Variants in GPR141 observed in about 807,000 individuals in gnomAD.
GPR141 encodes the protein probable G protein-coupled receptor 141.
GPR141 carries 6 observed loss-of-function variants against 6.8 expected under a neutral mutation model. That is an observed-to-expected ratio of 0.88 (90% confidence interval 0.48 to 1.74). The LOEUF (loss-of-function observed/expected upper bound fraction) is 1.74, where lower values mean the gene tolerates loss of function less well. Ranked by LOEUF, GPR141 falls within the 40% of genes most tolerant of loss-of-function variation. The probability of loss-of-function intolerance (pLI) is 0.01; values close to 1 mark genes in which losing one functional copy is unlikely to be tolerated. For synonymous variants in GPR141, 140 were observed against 142.3 expected (o/e 0.98, Z 0.11); for missense variants, 372 against 372.9 (o/e 1.00, Z 0.02).
chr7:37,699,140 A>G (rs1315309741), intron 2 of GPR141, among the ~76,000 whole-genome samples: 1 of 152,194 alleles, frequency 6.6e-6, no homozygotes, highest in African/African-American at 2.4e-5. Context: ...ATCCAGAATC[A>G]CGGATTGGCA....
chr7:37,705,357 T>A (rs1277520143), intron 2 of GPR141, among the ~76,000 whole-genome samples: 2 of 152,196 alleles, frequency 1.3e-5, no homozygotes, highest in Non-Finnish European at 2.9e-5. Flanking sequence ...TGATAAATTA[T>A]TTACATCACA....
intron 2 of GPR141, among the ~76,000 whole-genome samples, chr7:37,721,903 AT>A (rs1323820339): frequency 6.6e-6 from 1 of 152,164 alleles, no homozygotes; most frequent in Non-Finnish European, 1.5e-5. Context: ...TCATTTCAGA[AT>A]TTTGCCTACA....
intron 1 of GPR141, among the ~76,000 whole-genome samples, chr7:37,684,532 T>A (rs1809416387): frequency 6.6e-6 from 1 of 152,212 alleles, no homozygotes; most frequent in East Asian, 1.9e-4. Flanking sequence ...TCTGTTCAAA[T>A]AATTTTACTT....
chr7:37,708,325 A>C (rs1273478662), intron 2 of GPR141, among the ~76,000 whole-genome samples: 1 of 151,264 alleles, frequency 6.6e-6, no homozygotes, highest in African/African-American at 2.4e-5. Context: ...AAAAAAAAAA[A>C]AAAAAAAAAA....
At chr7:37,693,986 C>A (rs1371498250) in intron 2 of GPR141, among the ~76,000 whole-genome samples, 1 of 152,178 alleles carries the variant, frequency 6.6e-6, no homozygotes, top group Non-Finnish European at 1.5e-5. Flanking sequence ...ATGACCCGGG[C>A]ACCATTTCCT....
At chr7:37,733,808 C>A (rs1325908527) in intron 2 of GPR141, among the ~76,000 whole-genome samples, 2 of 152,054 alleles carry the variant, frequency 1.3e-5, no homozygotes, top group East Asian at 3.8e-4. Flanking sequence ...ATTTTGCAGC[C>A]AAAAGGTGAT....
At chr7:37,717,070 G>A (rs993209477) in intron 2 of GPR141, among the ~76,000 whole-genome samples, 3 of 152,210 alleles carry the variant, frequency 2.0e-5, no homozygotes, top group Admixed American at 6.5e-5. Context: ...ATGATCAAAA[G>A]AGAATCAAGC....
intron 2 of GPR141, among the ~76,000 whole-genome samples, chr7:37,725,263 TG>T (rs1489634891): frequency 2.0e-5 from 3 of 152,160 alleles, no homozygotes; most frequent in Non-Finnish European, 4.4e-5. Flanking sequence ...GCTGGTTCCT[TG>T]TATTGAGTGG....
chr7:37,727,376 C>T (rs1198644952), intron 2 of GPR141, among the ~76,000 whole-genome samples: 5 of 152,002 alleles, frequency 3.3e-5, no homozygotes, highest in African/African-American at 1.2e-4. Flanking sequence ...TTGCTTCTAT[C>T]TGTGGGAGTA....
chr7:37,743,435 CT>C lies in GPR141; in HGVS notation c.*2130del, dbSNP rs960772681. On this transcript the variant is annotated 3_prime_UTR_variant, in exon 3 of 3. Coordinates refer to ENST00000334425, the MANE Select transcript of GPR141 (RefSeq NM_001381946.1). Reference sequence around the variant, plus strand: ...AAGTAATATTTCTTTTCTTTCTTGCCTTTTTTCCCATTTATTTTTTACATTT... The same window carrying C: ...AAGTAATATTTCTTTTCTTTCTTGCCTTTTTCCCATTTATTTTTTACATTT... 3.3e-5 allele frequency among the ~76,000 whole-genome samples: 5 copies of C among 151,750 alleles called. No individual in the cohort carries two copies. The highest frequency in any genetic ancestry group is 1.2e-4 in the African/African-American group (5 of 41,468).
At chr7:37,731,316 G>C (rs1423921879) in intron 2 of GPR141, among the ~76,000 whole-genome samples, 1 of 152,238 alleles carries the variant, frequency 6.6e-6, no homozygotes, top group African/African-American at 2.4e-5. Flanking sequence ...TGATTGTCCA[G>C]CTCTGCTGGT....
chr7:37,698,997 G>A (rs535351207), intron 2 of GPR141, among the ~76,000 whole-genome samples: 1 of 152,312 alleles, frequency 6.6e-6, no homozygotes, highest in South Asian at 2.1e-4. Context: ...TTTAACCACT[G>A]AAACTCCCAG....
chr7:37,732,815 C>T (rs1417508492), intron 2 of GPR141, among the ~76,000 whole-genome samples: 1 of 152,166 alleles, frequency 6.6e-6, no homozygotes, highest in African/African-American at 2.4e-5. Flanking sequence ...AGCAGTGGTT[C>T]ATGCAGAATC....
intron 2 of GPR141, among the ~76,000 whole-genome samples, chr7:37,724,644 G>A (rs1811536813): frequency 6.6e-6 from 1 of 152,180 alleles, no homozygotes; most frequent in Non-Finnish European, 1.5e-5. Context: ...CTGAGTGAGT[G>A]ATTAAAGTGA....
intron 2 of GPR141, among the ~76,000 whole-genome samples, chr7:37,718,550 A>G (rs1003099458): frequency 2.0e-5 from 3 of 152,036 alleles, no homozygotes; most frequent in Non-Finnish European, 4.4e-5. Context: ...GAAGGAAGGA[A>G]GGAAGGAAAG....
rs1318599623 is a variant in GPR141, at chr7:37,742,336, T to A, written c.*1025T>A. On this transcript the variant is annotated 3_prime_UTR_variant, in exon 3 of 3. Coordinates refer to ENST00000334425, the MANE Select transcript of GPR141 (RefSeq NM_001381946.1). ...CATAGGTATACACGTGCCATGGTGG[T>A]TTGCGGCACCTGTCAACCCATCTAC... is the stretch of plus-strand genomic sequence containing the variant. Among the ~76,000 whole-genome samples the A allele has an allele frequency of 6.6e-6, 1 of 151,946 alleles. No individual in the cohort carries two copies. The highest frequency in any genetic ancestry group is 1.5e-5 in the Non-Finnish European group (1 of 67,990).
chr7:37,727,768 A>G (rs745694998), intron 2 of GPR141, among the ~76,000 whole-genome samples: 47 of 152,346 alleles, frequency 3.1e-4, no homozygotes, highest in Admixed American at 7.8e-4. Flanking sequence ...TTAAACTTGA[A>G]TAACCCTTTG....
chr7:37,708,386 T>C (rs1451219978), intron 2 of GPR141, among the ~76,000 whole-genome samples: 1 of 151,094 alleles, frequency 6.6e-6, no homozygotes, highest in East Asian at 1.9e-4. Context: ...AGAGAGTTGT[T>C]CTTGAATTTA....
intron 2 of GPR141, among the ~76,000 whole-genome samples, chr7:37,695,330 G>C (rs1198711774): frequency 3.3e-5 from 5 of 152,196 alleles, no homozygotes; most frequent in Admixed American, 3.3e-4. Context: ...TAACACAGTA[G>C]CCATGCAGGC....
Sources: allele counts gnomAD v4.1 joint callset (sites outside exome capture counted in the v4.1 genomes callset), GRCh38; gene constraint gnomAD v4.1.1; transcripts MANE v1.5; gene names NCBI Gene and HGNC (gene_info 2026-07-23, HGNC 2026-07-21).